The following ZNF804A variants were observed in gnomAD, a reference collection of about 807,000 sequenced individuals.
ZNF804A encodes zinc finger protein 804A.
In ZNF804A, 2 loss-of-function variants were observed where a neutral mutation model predicts 16.5. The ratio of observed to expected loss-of-function variants is 0.12; its 90% CI spans 0.05 to 0.38. The LOEUF is 0.38. Among genes scored for constraint, ZNF804A ranks in the 10% least tolerant of loss-of-function variants. The pLI is 0.99. For synonymous variants in ZNF804A, 534 were observed against 489.6 expected (o/e 1.09, Z -1.20); for missense variants, 1,473 against 1,390.7 (o/e 1.06, Z -0.94).
chr2:184,791,448 C>A (rs1215255474), intron 1 of ZNF804A, among the ~76,000 whole-genome samples: 1 of 152,124 alleles, frequency 6.6e-6, no homozygotes, highest in Non-Finnish European at 1.5e-5. Context: ...AGCTTCTTGG[C>A]TAGTATTTTT....
At chr2:184,635,435 A>C (rs6434094) in intron 1 of ZNF804A, among the ~76,000 whole-genome samples, 85,461 of 151,874 alleles carry the variant, frequency 0.56, 25,063 homozygotes, top group African/African-American at 0.69. Flanking sequence ...ATTATTATCA[A>C]CTTGCATAGA....
intron 1 of ZNF804A, among the ~76,000 whole-genome samples, chr2:184,651,833 CTGTT>C (rs779578344): frequency 2.0e-5 from 3 of 152,246 alleles, no homozygotes; most frequent in African/African-American, 4.8e-5. Flanking sequence ...TGCTTATACA[CTGTT>C]TGTGGGAATA....
At chr2:184,852,084 T>C (rs962292587) in intron 1 of ZNF804A, among the ~76,000 whole-genome samples, 1 of 151,836 alleles carries the variant, frequency 6.6e-6, no homozygotes, top group Admixed American at 6.6e-5. Context: ...TTTTGGTTAT[T>C]AAACCTTATC....
chr2:184,604,869 T>A (rs1691116753), intron 1 of ZNF804A, among the ~76,000 whole-genome samples: 1 of 152,180 alleles, frequency 6.6e-6, no homozygotes, highest in African/African-American at 2.4e-5. Context: ...GTCAAATATC[T>A]AGGATCTCTA....
intron 1 of ZNF804A, among the ~76,000 whole-genome samples, chr2:184,719,680 G>A (rs975234815): frequency 6.6e-6 from 1 of 151,992 alleles, no homozygotes; most frequent in African/African-American, 2.4e-5. Context: ...ACATATCAAG[G>A]GTCACCTTTG....
intron 1 of ZNF804A, among the ~76,000 whole-genome samples, chr2:184,644,129 T>G (rs1289180071): frequency 6.6e-6 from 1 of 151,456 alleles, no homozygotes; most frequent in Admixed American, 6.6e-5. Context: ...TTCAACCTTC[T>G]GAAAAAAAAT....
chr2:184,835,202 C>G (rs141892067), intron 1 of ZNF804A, among the ~76,000 whole-genome samples: 280 of 152,162 alleles, frequency 1.8e-3, no homozygotes, highest in African/African-American at 6.1e-3. Flanking sequence ...CAAGGGTGAA[C>G]CAGTATTGTC....
intron 1 of ZNF804A, among the ~76,000 whole-genome samples, chr2:184,794,617 G>A (rs2105780127): frequency 1.3e-5 from 2 of 152,102 alleles, no homozygotes; most frequent in South Asian, 4.2e-4. Context: ...AGGTATACAG[G>A]CAACAAATAG....
chr2:184,663,014 G>T (rs973641706), intron 1 of ZNF804A, among the ~76,000 whole-genome samples: 10 of 152,176 alleles, frequency 6.6e-5, no homozygotes, highest in African/African-American at 2.4e-4. Context: ...TAGTATTAGT[G>T]ATGGCAGCAG....
chr2:184,808,494 C>A (rs1383664291), intron 1 of ZNF804A, among the ~76,000 whole-genome samples: 1 of 151,478 alleles, frequency 6.6e-6, no homozygotes, highest in Admixed American at 6.6e-5. Flanking sequence ...AAGCGAGATA[C>A]AGACTTTAAT....
intron 2 of ZNF804A, among the ~76,000 whole-genome samples, chr2:184,883,148 A>C (rs537797846): frequency 2.0e-4 from 30 of 152,140 alleles, no homozygotes; most frequent in African/African-American, 7.2e-4. Context: ...AGAGGCTACT[A>C]TAAACATCTG....
At chr2:184,788,282 A>G (rs1694482886) in intron 1 of ZNF804A, among the ~76,000 whole-genome samples, 1 of 151,940 alleles carries the variant, frequency 6.6e-6, no homozygotes, top group Non-Finnish European at 1.5e-5. Context: ...TGATACCTTC[A>G]AATTTGTTCT....
At chr2:184,627,149 G>A (rs965171287) in intron 1 of ZNF804A, among the ~76,000 whole-genome samples, 18 of 152,174 alleles carry the variant, frequency 1.2e-4, no homozygotes, top group Admixed American at 9.2e-4. Context: ...ACCAGAGAAG[G>A]CTAAATAGGA....
intron 1 of ZNF804A, among the ~76,000 whole-genome samples, chr2:184,714,683 G>C: frequency 6.6e-6 from 1 of 151,996 alleles, no homozygotes; most frequent in East Asian, 1.9e-4. Flanking sequence ...TTTCGAGTAA[G>C]GTAACTTGTC....
chr2:184,850,294 G>T (rs1190079212), intron 1 of ZNF804A, among the ~76,000 whole-genome samples: 4 of 151,756 alleles, frequency 2.6e-5, no homozygotes, highest in Non-Finnish European at 2.9e-5. Context: ...TGATGTGTTT[G>T]TTAGACATTA....
chr2:184,826,668 T>C (rs144423702), intron 1 of ZNF804A, among the ~76,000 whole-genome samples: 3 of 152,242 alleles, frequency 2.0e-5, no homozygotes, highest in Non-Finnish European at 2.9e-5. Flanking sequence ...ACTTTATTAA[T>C]ACATACTTGA....
intron 2 of ZNF804A, among the ~76,000 whole-genome samples, chr2:184,885,816 A>AT (rs774472824): frequency 4.6e-5 from 7 of 152,118 alleles, no homozygotes; most frequent in Admixed American, 2.0e-4. Context: ...GGGCCCCATG[A>AT]TTTAATTACC....
chr2:184,853,868 C>CT (rs35756065), intron 1 of ZNF804A, among the ~76,000 whole-genome samples: 2,618 of 138,140 alleles, frequency 0.019, 50 homozygotes, highest in South Asian at 0.067. Context: ...AATTTTGTTT[C>CT]TTTTTTTTTT....
intron 1 of ZNF804A, among the ~76,000 whole-genome samples, chr2:184,625,155 C>G (rs1398903953): frequency 1.3e-5 from 2 of 151,840 alleles, no homozygotes; most frequent in Admixed American, 1.3e-4. Context: ...AGTGGGAGGA[C>G]AAAAATAATA....
Sources: allele counts gnomAD v4.1 joint callset (sites outside exome capture counted in the v4.1 genomes callset), GRCh38; gene constraint gnomAD v4.1.1; transcripts MANE v1.5; gene names NCBI Gene and HGNC (gene_info 2026-07-23, HGNC 2026-07-21).